FAM186A: variants seen among roughly 807,000 people sequenced by gnomAD.
The protein encoded by FAM186A is family with sequence similarity 186 member A, also known as protein FAM186A.
A neutral mutation model predicts 216.8 loss-of-function variants in FAM186A; 163 were observed. That is an observed-to-expected ratio of 0.75 (90% CI 0.66 to 0.86). The LOEUF (loss-of-function observed/expected upper bound fraction) is 0.86. Among genes scored for constraint, FAM186A ranks in the 40% least tolerant of loss-of-function variants. The pLI is 0.00. For synonymous variants in FAM186A, 805 were observed against 1,025.3 expected (o/e 0.79, Z 4.10); for missense variants, 2,184 against 2,746.2 (o/e 0.80, Z 4.58).
At chr12:50,378,470 CAGTG>C (rs1943220288) in intron 1 of FAM186A, among the ~76,000 whole-genome samples, 1 of 151,248 alleles carries the variant, frequency 6.6e-6, no homozygotes, top group African/African-American at 2.4e-5. Flanking sequence ...GCAGAGGAAA[CAGTG>C]AGCCGAGATT....
At chr12:50,380,931 T>G (rs1247977377) in intron 1 of FAM186A, among the ~76,000 whole-genome samples, 2 of 152,194 alleles carry the variant, frequency 1.3e-5, no homozygotes, top group Non-Finnish European at 2.9e-5. Flanking sequence ...GCCCGGCCAC[T>G]GTGCACATCC....
intron 1 of FAM186A, among the ~76,000 whole-genome samples, chr12:50,376,976 T>C (rs933743132): frequency 6.6e-6 from 1 of 152,094 alleles, no homozygotes; most frequent in Non-Finnish European, 1.5e-5. Flanking sequence ...CTGAAACTCC[T>C]GGGCTCAAAT....
chr12:50,357,882 G>C (rs908493012), intron 3 of FAM186A, among the ~76,000 whole-genome samples: 1 of 152,036 alleles, frequency 6.6e-6, no homozygotes, highest in African/African-American at 2.4e-5. Flanking sequence ...TGTCGGCTGA[G>C]GCAGGAGAAT....
At chr12:50,348,642 C>T (rs1013618367) in intron 4 of FAM186A, among the ~76,000 whole-genome samples, 2 of 152,102 alleles carry the variant, frequency 1.3e-5, no homozygotes, top group Non-Finnish European at 2.9e-5. Context: ...TCACTGCAAG[C>T]TCTGCCTCCT....
chr12:50,396,003 TCCGCCCGCCTCGG>T (rs1049667810), intron 1 of FAM186A, among the ~76,000 whole-genome samples: 1 of 152,078 alleles, frequency 6.6e-6, no homozygotes, highest in Admixed American at 6.6e-5. Context: ...ACCTCAGTGA[TCCGCCCGCCTCGG>T]CCTCCCAAAG....
intron 4 of FAM186A, 48 bp from the exon 5 acceptor site, chr12:50,334,151 C>T: frequency 1.4e-6 from 2 of 1,384,718 alleles, no homozygotes; most frequent in South Asian, 1.5e-5. Context: ...GCAGACCCTA[C>T]TTCAACAAAC....
intron 4 of FAM186A, 58 bp from the exon 5 acceptor site, chr12:50,334,161 C>G: frequency 7.4e-7 from 1 of 1,344,958 alleles, no homozygotes. Flanking sequence ...CTTCAACAAA[C>G]TTGTCCTCAG....
rs773066464 is a variant in FAM186A at position 50,350,322 on chromosome 12, T to C, written c.6503+7A>G. 26 of 1,506,724 alleles carry C rather than the reference T, an allele frequency of 1.7e-5. 1 individual carries two copies. The South Asian group carries it at 3.3e-4, about 19-fold the overall frequency. 93.3% of individuals were successfully genotyped at this position (1,506,724 alleles called of 1,614,324 possible). On this transcript the variant is annotated splice_region_variant and intron_variant, in intron 4 of 7. Transcript: ENST00000327337. The stretch of plus-strand genomic sequence containing the variant: ...CCAGAAAACTAGACGTAAATAATTA[T>C]ATCTACCTGGCATGCTGGATCAGCC...
rs912431017 is a variant in FAM186A, at chr12:50,351,858, C to T, written c.4974G>A (p.Val1658=). The T allele has an allele frequency of 1.3e-6, 2 of 1,543,958 alleles. No homozygotes were observed. The highest frequency in any genetic ancestry group is 1.7e-6 in the Non-Finnish European group (2 of 1,143,004). ...GVPITPVNAW[V]SAVTLTSEQT... ...GCTCAGAGGTAAGAGTGACAGCTGA[C>T]ACCCAGGCATTTACTGGGGTGATGG... is the stretch of plus-strand genomic sequence containing the variant. The change falls in exon 4 of 8, where the codon GTG becomes GTA. Residue 1658 remains valine, a synonymous_variant. Transcript: ENST00000327337.
At position 50,354,608 on chromosome 12, in the gene FAM186A, C is replaced by A. The variant is rs1942952445; in HGVS notation, c.2224G>T (p.Glu742Ter). The A allele has an allele frequency of 6.5e-7, 1 of 1,548,196 alleles. No homozygotes were observed. Among genetic ancestry groups the A allele is most frequent in the Admixed American group, 2.0e-5 (1 of 50,336 alleles). The change falls in exon 4 of 8, where the codon GAA (glutamate) becomes TAA (stop). Residue 742 changes from glutamate to a stop codon, truncating the protein, a stop_gained. Coordinates refer to ENST00000327337, the MANE Select transcript of FAM186A (RefSeq NM_001145475.3). LOFTEE classifies it high-confidence loss of function. ...ATAGGTTTCTCTCCAACTTGTTCTT[C>A]CTTTTTTGTATCTTTGTATTTTCTC... is the stretch of plus-strand genomic sequence containing the variant. ...ILRKYKDTKK[E>*]EQVGEKPIKQ...
intron 1 of FAM186A, among the ~76,000 whole-genome samples, chr12:50,364,654 T>G (rs1943070541): frequency 6.6e-6 from 1 of 151,990 alleles, no homozygotes; most frequent in African/African-American, 2.4e-5. Context: ...GTAATCCAAG[T>G]GCTTTGGGAG....
intron 4 of FAM186A, among the ~76,000 whole-genome samples, chr12:50,347,773 C>T (rs922675066): frequency 6.6e-6 from 1 of 152,128 alleles, no homozygotes; most frequent in Admixed American, 6.5e-5. Flanking sequence ...TAATCCATTT[C>T]TGATATTTGC....
intron 1 of FAM186A, among the ~76,000 whole-genome samples, chr12:50,379,052 C>T (rs965451346): frequency 6.6e-6 from 1 of 152,190 alleles, no homozygotes; most frequent in African/African-American, 2.4e-5. Context: ...CGCCTGTAAT[C>T]CCAGCACTTT....
chr12:50,358,398 C>T (rs1209196262), intron 3 of FAM186A, among the ~76,000 whole-genome samples: 2 of 150,766 alleles, frequency 1.3e-5, no homozygotes, highest in South Asian at 2.1e-4. Flanking sequence ...CTGGACAACA[C>T]GATGAGACTC....
intron 4 of FAM186A, among the ~76,000 whole-genome samples, chr12:50,348,062 T>TTTTG (rs1238013999): frequency 6.8e-6 from 1 of 148,092 alleles, no homozygotes; most frequent in East Asian, 2.0e-4. Context: ...TTTTTTTTTT[T>TTTTG]GAGATGGAGT....
At chr12:50,362,869 T>C (rs535508816) in intron 2 of FAM186A, among the ~76,000 whole-genome samples, 1 of 150,862 alleles carries the variant, frequency 6.6e-6, no homozygotes, top group South Asian at 2.2e-4. Context: ...CATGTGTCCA[T>C]CTGGTGGAAG....
chr12:50,359,869 G>C (rs1159749675), intron 3 of FAM186A, among the ~76,000 whole-genome samples: 2 of 152,248 alleles, frequency 1.3e-5, no homozygotes, highest in African/African-American at 4.8e-5. Context: ...ATTAGTGACT[G>C]TGTGGTGCTG....
intron 1 of FAM186A, among the ~76,000 whole-genome samples, chr12:50,384,557 C>A (rs1039844598): frequency 2.0e-5 from 3 of 152,014 alleles, no homozygotes; most frequent in Non-Finnish European, 2.9e-5. Context: ...AATACAAAGC[C>A]ATAATAATCA....
At chr12:50,386,230 A>C (rs1251678116) in intron 1 of FAM186A, among the ~76,000 whole-genome samples, 1 of 150,600 alleles carries the variant, frequency 6.6e-6, no homozygotes, top group African/African-American at 2.5e-5. Flanking sequence ...GGAGATCGAG[A>C]TCAGCCTGGC....
Sources: allele counts gnomAD v4.1 joint callset (sites outside exome capture counted in the v4.1 genomes callset), GRCh38; gene constraint gnomAD v4.1.1; transcripts MANE v1.5; gene names NCBI Gene and HGNC (gene_info 2026-07-23, HGNC 2026-07-21).